ANKRD16: variants seen among roughly 807,000 people sequenced by gnomAD.
ANKRD16 encodes ankyrin repeat domain-containing protein 16.
ANKRD16 carries 35 observed loss-of-function variants against 37.9 expected under a neutral mutation model. The observed-to-expected ratio is 0.92, with a 90% CI of 0.71 to 1.23. The LOEUF is 1.23. ANKRD16 is among the 50% of genes most tolerant of loss of function. The pLI is 0.00. For synonymous variants in ANKRD16, 206 were observed against 197.2 expected (o/e 1.04, Z -0.37); for missense variants, 480 against 469.9 (o/e 1.02, Z -0.20).
chr10:5,873,274 C>A (rs192432147), intron 7 of ANKRD16, among the ~76,000 whole-genome samples: 2,849 of 152,172 alleles, frequency 0.019, 93 homozygotes, highest in African/African-American at 0.064. Flanking sequence ...TCATGATCCG[C>A]CCGCCTCGGC....
rs1376435747 is a variant in ANKRD16 at position 5,868,060 on chromosome 10, G to C, written c.*34-5369C>G. Among the ~76,000 whole-genome samples, 1 of 152,208 alleles carries C rather than the reference G, an allele frequency of 6.6e-6. No individual in the cohort carries two copies. The highest frequency in any genetic ancestry group is 2.4e-5 in the African/African-American group (1 of 41,444). ...TTTCAAACTCTTATACCAACCTCTGGAGTTGGGTGACATGACTTCTCCCCT... is the reference window on the plus strand; with the variant it reads ...TTTCAAACTCTTATACCAACCTCTGCAGTTGGGTGACATGACTTCTCCCCT... On this transcript the variant is annotated intron_variant, in intron 7 of 7. Coordinates refer to ENST00000380094, the MANE Select transcript of ANKRD16 (RefSeq NM_019046.3). This position sits in a 1 kb window ranked among gnomAD's most constrained non-coding sequence, Gnocchi z 4.9.
At chr10:5,888,813 G>A (rs1338067068) in intron 1 of ANKRD16, among the ~76,000 whole-genome samples, 1 of 152,240 alleles carries the variant, frequency 6.6e-6, no homozygotes, top group East Asian at 1.9e-4. Context: ...TAGAAAGGGA[G>A]GTGACTGCCC....
chr10:5,863,335 T>G lies in ANKRD16; in HGVS notation c.*34-644A>C, dbSNP rs1228995696. 6.6e-6 allele frequency among the ~76,000 whole-genome samples: 1 copy of G among 152,000 alleles called. No homozygotes were observed. The highest frequency in any genetic ancestry group is 1.5e-5 in the Non-Finnish European group (1 of 68,010). Reference sequence around the variant, plus strand: ...TAGAGGGCAGAGCTCATATTAAAGGTTCATACTGAGAGGTGAAGCCAGCTG... The same window carrying G: ...TAGAGGGCAGAGCTCATATTAAAGGGTCATACTGAGAGGTGAAGCCAGCTG... On this transcript the variant is annotated intron_variant, in intron 7 of 7. Transcript: ENST00000380094. The surrounding 1 kb of genome is among the most constrained non-coding windows in gnomAD (Gnocchi z 4.7).
intron 2 of ANKRD16, among the ~76,000 whole-genome samples, chr10:5,887,151 T>C (rs376342952): frequency 6.6e-6 from 1 of 152,162 alleles, no homozygotes; most frequent in African/African-American, 2.4e-5. Flanking sequence ...CCCTGAGACA[T>C]ACCATCACTG....
intron 5 of ANKRD16, among the ~76,000 whole-genome samples, chr10:5,881,434 TTATTTATATATATATATATATATATATA>T: frequency 1.9e-5 from 1 of 53,474 alleles, no homozygotes; most frequent in African/African-American, 7.0e-5. Context: ...AATAAAAATA[TTATTTATATATATATATATATATATATA>T]TATATATATA....
At position 5,862,293 on chromosome 10, in the gene ANKRD16, G is replaced by C; in HGVS notation, c.*432C>G. The C allele has an allele frequency of 7.6e-6, 3 of 392,816 alleles. No individual in the cohort carries two copies. The highest frequency in any genetic ancestry group is 3.8e-5 in the South Asian group (2 of 52,338). 24.3% of individuals were successfully genotyped at this position (392,816 alleles called of 1,614,324 possible). A position where few individuals can be genotyped will look rare whatever the true frequency, so the allele number is the denominator to read the frequency against. On this transcript the variant is annotated 3_prime_UTR_variant, in exon 8 of 8. Coordinates refer to ENST00000380094, the MANE Select transcript of ANKRD16 (RefSeq NM_019046.3). This position sits in a 1 kb window ranked among gnomAD's most constrained non-coding sequence, Gnocchi z 6.5. ...AATGTTGACAATCTCATCAGAAGTG[G>C]TGCTACCACTGTGTTTCATGTTTTT...
chr10:5,880,340 A>T lies in ANKRD16; in HGVS notation c.886T>A (p.Leu296Met). The T allele has an allele frequency of 6.2e-7, 1 of 1,605,262 alleles. No individual in the cohort carries two copies. Among genetic ancestry groups the T allele is most frequent in the Non-Finnish European group, 8.5e-7 (1 of 1,176,618 alleles). The change falls in exon 6 of 8, where the codon TTG (leucine) becomes ATG (methionine). Residue 296 changes from leucine to methionine, a missense_variant. Transcript: ENST00000380094. ...TCTTTAGAATTGATGTCAGCTCCCA[A>T]GGATAAGAGAGTCTGAATTGTACTT... Reference protein sequence around the residue: ...HTSTIQTLLSLGADINSKDEK... With the variant: ...HTSTIQTLLSMGADINSKDEK...
rs182673444 is a variant in ANKRD16 at position 5,872,803 on chromosome 10, C to A, written c.*33+5294G>T. 8.0e-4 allele frequency among the ~76,000 whole-genome samples: 121 copies of A among 151,672 alleles called. 1 individual carries two copies. Among genetic ancestry groups the A allele is most frequent in the African/African-American group, 1.7e-3 (71 of 41,296 alleles). On this transcript the variant is annotated intron_variant, in intron 7 of 7. Coordinates refer to ENST00000380094, the MANE Select transcript of ANKRD16 (RefSeq NM_019046.3). ...AATTTCCTGACCTCGTGATCTGCCC[C>A]CCTTGGCCTCCCAAAGTGCTGGCAT...
intron 5 of ANKRD16, among the ~76,000 whole-genome samples, chr10:5,882,002 A>G (rs1009161831): frequency 6.6e-6 from 1 of 151,460 alleles, no homozygotes; most frequent in African/African-American, 2.4e-5. Flanking sequence ...CGATCTCTTG[A>G]CCCCGTGATC....
In ANKRD16 at chr10:5,871,252, A is replaced by G. The variant is rs984026872; in HGVS notation, c.*33+6845T>C. ...AAATAGAAAAATTAGCCAGGTGTGG[A>G]GGCGCACGCCTGTAATCCCAGCTAC... is the stretch of plus-strand genomic sequence containing the variant. On this transcript the variant is annotated intron_variant, in intron 7 of 7. Transcript: ENST00000380094. This position sits in a 1 kb window ranked among gnomAD's most constrained non-coding sequence, Gnocchi z 4.5. Among the ~76,000 whole-genome samples, 5 of 151,940 alleles carry G rather than the reference A, an allele frequency of 3.3e-5. No individual in the cohort carries two copies. In the South Asian group the frequency reaches 8.3e-4, roughly 25 times the overall value.
At chr10:5,884,576 TA>T (rs1417921829) in intron 3 of ANKRD16, among the ~76,000 whole-genome samples, 1 of 151,768 alleles carries the variant, frequency 6.6e-6, no homozygotes, top group African/African-American at 2.4e-5. Context: ...ACCAAAAATA[TA>T]AAAAATTAGC....
Position 5,862,545 on chromosome 10 carries a change from G to T in ANKRD16, c.*180C>A. The T allele has an allele frequency of 8.1e-7, 1 of 1,227,288 alleles. No individual in the cohort carries two copies. Among genetic ancestry groups the T allele is most frequent in the Non-Finnish European group, 1.1e-6 (1 of 934,514 alleles). The allele number at this position is 1,227,288 out of a possible 1,614,324, so 76.0% of individuals were successfully genotyped here. The stretch of plus-strand genomic sequence containing the variant: ...AGATGTGGCACTGACTTCACCACTG[G>T]TACACCTCAGATATACAACTTTGAT... On this transcript the variant is annotated 3_prime_UTR_variant, in exon 8 of 8. Transcript: ENST00000380094. This position sits in a 1 kb window ranked among gnomAD's most constrained non-coding sequence, Gnocchi z 6.5.
At position 5,870,564 on chromosome 10, in the gene ANKRD16, AATTTTTTGT is replaced by A. The variant is rs1842073029; in HGVS notation, c.*33+7524_*33+7532del. ...GACTACAGGCACACCACGCCCAGCT[AATTTTTTGT>A]ATTTTTTGTAGAGGCAGGGTCTCAC... On this transcript the variant is annotated intron_variant, in intron 7 of 7. Transcript: ENST00000380094. The surrounding 1 kb of genome is among the most constrained non-coding windows in gnomAD (Gnocchi z 5.0). Among the ~76,000 whole-genome samples, 1 of 151,998 alleles carries A rather than the reference AATTTTTTGT, an allele frequency of 6.6e-6. No homozygotes were observed. The highest frequency in any genetic ancestry group is 2.1e-4 in the South Asian group (1 of 4,820).
At chr10:5,888,800 C>G (rs41306916) in intron 1 of ANKRD16, among the ~76,000 whole-genome samples, 1 of 152,192 alleles carries the variant, frequency 6.6e-6, no homozygotes, top group Admixed American at 6.5e-5. Flanking sequence ...CTATTCCGTG[C>G]TCTAGAAAGG....
Position 5,862,430 on chromosome 10 carries a change from A to G in ANKRD16, c.*295T>C. Reference sequence around the variant, plus strand: ...GCTGTGGCTGGTCAGTTTCACTATCATCCTCAGACTCTTCCAGTCAATGGT... The same window carrying G: ...GCTGTGGCTGGTCAGTTTCACTATCGTCCTCAGACTCTTCCAGTCAATGGT... On this transcript the variant is annotated 3_prime_UTR_variant, in exon 8 of 8. Transcript: ENST00000380094. The surrounding 1 kb of genome is among the most constrained non-coding windows in gnomAD (Gnocchi z 6.5). The G allele has an allele frequency of 2.3e-6, 1 of 432,982 alleles. No homozygotes were observed. The highest frequency in any genetic ancestry group is 1.7e-5 in the South Asian group (1 of 57,230). 26.8% of individuals were successfully genotyped at this position (432,982 alleles called of 1,614,324 possible). A position where few individuals can be genotyped will look rare whatever the true frequency, so the allele number is the denominator to read the frequency against.
At chr10:5,886,098 G>C (rs983168018) in intron 2 of ANKRD16, among the ~76,000 whole-genome samples, 2 of 152,156 alleles carry the variant, frequency 1.3e-5, no homozygotes, top group African/African-American at 4.8e-5. Flanking sequence ...GCAAAATATT[G>C]TAACAGTAAT....
rs778744504 is a variant in ANKRD16, at chr10:5,866,934, AAG to A, written c.*34-4245_*34-4244del. On this transcript the variant is annotated intron_variant, in intron 7 of 7. Coordinates refer to ENST00000380094, the MANE Select transcript of ANKRD16 (RefSeq NM_019046.3). The surrounding 1 kb of genome is among the most constrained non-coding windows in gnomAD (Gnocchi z 4.3). ...AGAGAGAGAAACAGAAAGTCAAAGAAAGAGAGGGAGAGACAAAGAGGGAGTCA... is the reference window on the plus strand; with the variant it reads ...AGAGAGAGAAACAGAAAGTCAAAGAAAGAGGGAGAGACAAAGAGGGAGTCA... Among the ~76,000 whole-genome samples, 19 of 152,238 alleles carry A rather than the reference AAG, an allele frequency of 1.2e-4. No individual in the cohort carries two copies. In the East Asian group the frequency reaches 2.7e-3, roughly 22 times the overall value.
chr10:5,862,512 G>A lies in ANKRD16; in HGVS notation c.*213C>T. 1 of 946,616 alleles carries A rather than the reference G, an allele frequency of 1.1e-6. No individual in the cohort carries two copies. Among genetic ancestry groups the A allele is most frequent in the Non-Finnish European group, 1.5e-6 (1 of 683,510 alleles). 58.6% of individuals were successfully genotyped at this position (946,616 alleles called of 1,614,324 possible). A position where few individuals can be genotyped will look rare whatever the true frequency, so the allele number is the denominator to read the frequency against. ...CAGACCCAGGGAGCTGACCTTGGGGGCCAGTGCAGATGTGGCACTGACTTC... is the reference window on the plus strand; with the variant it reads ...CAGACCCAGGGAGCTGACCTTGGGGACCAGTGCAGATGTGGCACTGACTTC... On this transcript the variant is annotated 3_prime_UTR_variant, in exon 8 of 8. Coordinates refer to ENST00000380094, the MANE Select transcript of ANKRD16 (RefSeq NM_019046.3). The surrounding 1 kb of genome is among the most constrained non-coding windows in gnomAD (Gnocchi z 6.5).
At chr10:5,873,510 T>G (rs1842136413) in intron 7 of ANKRD16, among the ~76,000 whole-genome samples, 1 of 152,004 alleles carries the variant, frequency 6.6e-6, no homozygotes, top group East Asian at 1.9e-4. Flanking sequence ...AAAATAAGAG[T>G]GGTTCCATCT....
Sources: allele counts gnomAD v4.1 joint callset (sites outside exome capture counted in the v4.1 genomes callset), GRCh38; gene constraint gnomAD v4.1.1; non-coding constraint Gnocchi (gnomAD v3.1); transcripts MANE v1.5; gene names NCBI Gene and HGNC (gene_info 2026-07-23, HGNC 2026-07-21).